Variants in CSAD observed in about 807,000 individuals in gnomAD.
CSAD encodes the protein P-selectin cytoplasmic tail-associated protein.
Under a neutral mutation model 61.5 loss-of-function variants are expected in CSAD, and 47 were observed. That is an observed-to-expected ratio of 0.76 (90% CI 0.60 to 0.97). The LOEUF (loss-of-function observed/expected upper bound fraction) is 0.97, where lower values mean the gene tolerates loss of function less well. Among genes scored for constraint, CSAD ranks in the 50% least tolerant of loss-of-function variants. The probability of loss-of-function intolerance (pLI) is 0.00; values close to 1 mark genes in which losing one functional copy is unlikely to be tolerated. For synonymous variants in CSAD, 245 were observed against 252.7 expected (o/e 0.97, Z 0.29); for missense variants, 611 against 643.6 (o/e 0.95, Z 0.55).
rs1055094773 is a variant in CSAD at position 53,161,046 on chromosome 12, T to C, written c.884+81A>G. The C allele has an allele frequency of 1.4e-5, 20 of 1,431,352 alleles. No homozygotes were observed. In the African/African-American group the frequency reaches 2.3e-4, roughly 16 times the overall value. 88.7% of individuals were successfully genotyped at this position (1,431,352 alleles called of 1,614,324 possible). On this transcript the variant is annotated intron_variant, in intron 12 of 16. Coordinates refer to ENST00000444623, the MANE Select transcript of CSAD (RefSeq NM_001244705.2). The stretch of plus-strand genomic sequence containing the variant: ...TCCCCTCAGCCTCCTACCCCAGCCA[T>C]GTTAAACTCCCTAGTCCATGATGAT...
rs746863012 is a variant in CSAD at position 53,172,377 on chromosome 12, G to A, written c.313C>T (p.Arg105Cys). ...SGLDPHALAG[R>C]IITESLNTSQ... The stretch of plus-strand genomic sequence containing the variant: ...GTGTTGAGGCTCTCAGTGATAATGC[G>A]CCCGGCCAGAGCATGGGGATCCAAC... Residue 105 changes from arginine to cysteine, a missense_variant, in exon 6 of 17, where the codon CGC becomes TGC. Transcript: ENST00000444623. 1.4e-5 allele frequency: 22 copies of A among 1,613,930 alleles called. No individual in the cohort carries two copies. Among genetic ancestry groups the A allele is most frequent in the Non-Finnish European group, 1.4e-5 (17 of 1,180,010 alleles).
upstream of CSAD, chr12:53,181,196 G>C (rs964910441): frequency 1.1e-4 from 107 of 985,314 alleles, no homozygotes; most frequent in Non-Finnish European, 1.3e-4. Flanking sequence ...TCGCCTGCCT[G>C]TCCTCCACCT....
chr12:53,172,740 G>C, intron 4 of CSAD, 92 bp from the exon 5 acceptor site: 2 of 1,388,116 alleles, frequency 1.4e-6, no homozygotes. Flanking sequence ...CGGCCAACCT[G>C]CACTAAAAAC....
At chr12:53,179,920 C>T in intron 1 of CSAD, 1 of 1,600,600 alleles carries the variant, frequency 6.2e-7, no homozygotes, top group Admixed American at 1.7e-5. Flanking sequence ...CTAATGCAGC[C>T]TGGCCCAAGA....
chr12:53,159,845 G>T, intron 15 of CSAD, 42 bp downstream of exon 15: 2 of 1,564,844 alleles, frequency 1.3e-6, no homozygotes, highest in Non-Finnish European at 1.7e-6. Context: ...CTGCAAAAGA[G>T]CTAGGCTGGG....
chr12:53,163,886 C>T (rs901908359), intron 10 of CSAD, among the ~76,000 whole-genome samples: 5 of 152,166 alleles, frequency 3.3e-5, no homozygotes, highest in African/African-American at 9.7e-5. Flanking sequence ...TGAATCAAGA[C>T]AATGTAGTCT....
Position 53,172,539 on chromosome 12 carries a change from C to T in CSAD, c.236G>A (p.Arg79His), listed in dbSNP as rs35851381. 6 of 1,614,096 alleles carry T rather than the reference C, an allele frequency of 3.7e-6. No individual in the cohort carries two copies. The highest frequency in any genetic ancestry group is 2.2e-5 in the East Asian group (1 of 44,876). The change falls in exon 5 of 17, where the codon CGC becomes CAC. Residue 79 changes from arginine (R) to histidine (H), a missense_variant. Arg to His is a conservative substitution (Grantham distance 29, BLOSUM62 0). Transcript: ENST00000444623. Reference protein sequence around the residue: ...QILERCRAVIRYSVKTGHPRF... With the variant: ...QILERCRAVIHYSVKTGHPRF... ...GGGCCCACCAGTCTTGACACTGTAG[C>T]GAATCACAGCCCGACACCGCTCCAG...
At chr12:53,165,388 C>T (rs1394020628) in intron 10 of CSAD, among the ~76,000 whole-genome samples, 5 of 149,632 alleles carry the variant, frequency 3.3e-5, no homozygotes, top group East Asian at 2.0e-4. Flanking sequence ...TGGCCAGGCG[C>T]GGTGGCTCAC....
rs1322555652 is a variant in CSAD at position 53,180,745 on chromosome 12, G to A, written c.-104C>T. 1.6e-6 allele frequency: 2 copies of A among 1,266,216 alleles called. No homozygotes were observed. Among genetic ancestry groups the A allele is most frequent in the Admixed American group, 4.8e-5 (2 of 41,338 alleles). 78.4% of individuals were successfully genotyped at this position (1,266,216 alleles called of 1,614,324 possible). On this transcript the variant is annotated 5_prime_UTR_variant, in exon 1 of 17. Coordinates refer to ENST00000444623, the MANE Select transcript of CSAD (RefSeq NM_001244705.2). ...TTGTAAACTTGCCTCGGTCCCGGTG[G>A]GGGCAGCCGCGGCGGTGGGGTTGGC...
rs1308617927 is a variant in CSAD at position 53,180,781 on chromosome 12, G to T, written c.-140C>A. ...GGCGGTGGGGTTGGCAGGGTGTGCT[G>T]GGGCCTGGAGGAGGCGCCGCGCGGC... On this transcript the variant is annotated 5_prime_UTR_variant, in exon 1 of 17. Coordinates refer to ENST00000444623, the MANE Select transcript of CSAD (RefSeq NM_001244705.2). The T allele has an allele frequency of 7.9e-7, 1 of 1,272,758 alleles. No individual in the cohort carries two copies. The highest frequency in any genetic ancestry group is 1.0e-6 in the Non-Finnish European group (1 of 982,338). The allele number at this position is 1,272,758 out of a possible 1,614,324, so 78.8% of individuals were successfully genotyped here.
At chr12:53,181,195 T>C (rs1287549748), upstream of CSAD, 14 of 985,330 alleles carry the variant, frequency 1.4e-5, no homozygotes, top group Non-Finnish European at 1.6e-5. Flanking sequence ...TTCGCCTGCC[T>C]GTCCTCCACC....
In CSAD at chr12:53,160,045, C is replaced by T. The variant is rs7969735; in HGVS notation, c.1166+75G>A. Reference sequence around the variant, plus strand: ...AGAGAGACCGAGAGAAAAGTAATCCCGGGAGCAGGAAAGAGGGAGGGGCAT... The same window carrying T: ...AGAGAGACCGAGAGAAAAGTAATCCTGGGAGCAGGAAAGAGGGAGGGGCAT... On this transcript the variant is annotated intron_variant, in intron 14 of 16. Transcript: ENST00000444623. The T allele has an allele frequency of 5.2e-3, 8,378 of 1,602,324 alleles. 369 individuals are homozygous for T. In the African/African-American group the frequency reaches 0.096, roughly 18 times the overall value.
chr12:53,160,795 G>A lies in CSAD; in HGVS notation c.934C>T (p.Gln312Ter). The A allele has an allele frequency of 6.4e-7, 1 of 1,551,800 alleles. No homozygotes were observed. The highest frequency in any genetic ancestry group is 8.7e-7 in the Non-Finnish European group (1 of 1,147,016). The change falls in exon 13 of 17, where the codon CAA (glutamine) becomes TAA (stop). Residue 312 changes from glutamine (Q) to a stop codon, truncating the protein, a stop_gained. Transcript: ENST00000444623. LOFTEE classifies it high-confidence loss of function. Reference sequence around the variant, plus strand: ...TCCTGGAGAAGAAGTGCAGAGCATTGCAGGCCTGCTGCGAGGAGCTTGTGG... The same window carrying A: ...TCCTGGAGAAGAAGTGCAGAGCATTACAGGCCTGCTGCGAGGAGCTTGTGG... ...NPHKLLAAGL[Q>*]CSALLLQDTS...
rs202171737 is a variant in CSAD at position 53,159,676 on chromosome 12, G to C, written c.1255C>G (p.Pro419Ala). The change falls in exon 16 of 17, where the codon CCC becomes GCC. Residue 419 changes from proline (P) to alanine (A), a missense_variant. Transcript: ENST00000444623. ...FVNVCFWFVP[P>A]SLRGKQESPD... ...CTCTCCTGCTTCCCTCGCAGGCTGG[G>C]GGGTACGAACCAGAAACACACATTG... The C allele has an allele frequency of 8.1e-6, 13 of 1,611,448 alleles. No homozygotes were observed. The Admixed American group carries it at 1.7e-4, about 21-fold the overall frequency.
At chr12:53,159,218 C>T (rs1422334858) in intron 16 of CSAD, among the ~76,000 whole-genome samples, 1 of 152,208 alleles carries the variant, frequency 6.6e-6, no homozygotes, top group African/African-American at 2.4e-5. Context: ...ACCACTCTAT[C>T]TTTAGGGACC....
In CSAD at chr12:53,160,238, CCGTGTCCAGAGCCA is replaced by C; in HGVS notation, c.1034_1047del (p.Val345GlyfsTer53). On this transcript the variant is annotated frameshift_variant, in exon 14 of 17. Coordinates refer to ENST00000444623, the MANE Select transcript of CSAD (RefSeq NM_001244705.2). LOFTEE classifies it high-confidence loss of function. The stretch of plus-strand genomic sequence containing the variant: ...CGGCCACACTGCACCACCTTGTCTC[CCGTGTCCAGAGCCA>C]CATCGTAGAACTTGTCCTGCTGGAA... 6.2e-7 allele frequency: 1 copy of C among 1,614,226 alleles called. No homozygotes were observed. The highest frequency in any genetic ancestry group is 8.5e-7 in the Non-Finnish European group (1 of 1,180,046).
At chr12:53,173,231 A>G in intron 4 of CSAD, 114 bp downstream of exon 4, 2 of 972,528 alleles carry the variant, frequency 2.1e-6, no homozygotes, top group Non-Finnish European at 3.0e-6. Flanking sequence ...AAAGGAAAAA[A>G]GGAAGGAAGA....
intron 10 of CSAD, among the ~76,000 whole-genome samples, chr12:53,163,171 G>A (rs1939512939): frequency 6.6e-6 from 1 of 152,122 alleles, no homozygotes; most frequent in African/African-American, 2.4e-5. Context: ...GGAGATCAAG[G>A]CTGCAGTGAA....
At chr12:53,162,093 C>G (rs977368210) in intron 10 of CSAD, among the ~76,000 whole-genome samples, 19 of 151,964 alleles carry the variant, frequency 1.3e-4, no homozygotes, top group African/African-American at 4.6e-4. Flanking sequence ...AACCCCGTCT[C>G]TATTAAAAAA....
Sources: allele counts gnomAD v4.1 joint callset (sites outside exome capture counted in the v4.1 genomes callset), GRCh38; gene constraint gnomAD v4.1.1; transcripts MANE v1.5; gene names NCBI Gene and HGNC (gene_info 2026-07-23, HGNC 2026-07-21).